CORO1C: variants seen among roughly 807,000 people sequenced by gnomAD.
The protein encoded by CORO1C is coronin-1C.
In CORO1C, 14 loss-of-function variants were observed where a neutral mutation model predicts 51.2. That is an observed-to-expected ratio of 0.27 (90% CI 0.18 to 0.43). The LOEUF is 0.43. Ranked by LOEUF, CORO1C falls within the 20% of genes least tolerant of loss-of-function variation. CORO1C has a pLI of 1.00. For missense variants in CORO1C, 417 were observed against 607.8 expected, an observed-to-expected ratio of 0.69 and a Z score of 3.30; for synonymous variants, 181 against 210.5, an observed-to-expected ratio of 0.86 and a Z score of 1.21.
chr12:108,728,733 G>A (rs1592960639), intron 1 of CORO1C, among the ~76,000 whole-genome samples: 1 of 152,182 alleles, frequency 6.6e-6, no homozygotes, highest in Non-Finnish European at 1.5e-5. Context: ...AACCCAGAGA[G>A]ATTCTATTAC....
At chr12:108,677,618 C>A (rs2033953870) in intron 3 of CORO1C, among the ~76,000 whole-genome samples, 1 of 152,178 alleles carries the variant, frequency 6.6e-6, no homozygotes, top group Admixed American at 6.5e-5. Context: ...TTTTTTCTCT[C>A]CTTTTGGGGC....
At chr12:108,727,706 C>G (rs1383136456) in intron 1 of CORO1C, among the ~76,000 whole-genome samples, 1 of 152,130 alleles carries the variant, frequency 6.6e-6, no homozygotes, top group Non-Finnish European at 1.5e-5. Context: ...GGTTTAAGGT[C>G]TAATTTCTAA....
chr12:108,678,759 A>C (rs973763847), intron 2 of CORO1C, among the ~76,000 whole-genome samples: 1 of 151,622 alleles, frequency 6.6e-6, no homozygotes, highest in Non-Finnish European at 1.5e-5. Flanking sequence ...GGTATTATTC[A>C]AAATGTTAAT....
At chr12:108,719,001 C>T (rs1173484976) in intron 1 of CORO1C, among the ~76,000 whole-genome samples, 1 of 152,158 alleles carries the variant, frequency 6.6e-6, no homozygotes, top group Non-Finnish European at 1.5e-5. Flanking sequence ...CAGAAGGAAA[C>T]ATTTGGGCTA....
intron 1 of CORO1C, among the ~76,000 whole-genome samples, chr12:108,715,738 A>G (rs1403116855): frequency 1.3e-5 from 2 of 150,916 alleles, no homozygotes; most frequent in East Asian, 3.9e-4. Context: ...GTCTCTCTTC[A>G]AAGAGCAGAA....
At chr12:108,690,339 G>GTAAGC (rs1448630279) in intron 2 of CORO1C, among the ~76,000 whole-genome samples, 28 of 152,206 alleles carry the variant, frequency 1.8e-4, no homozygotes, top group African/African-American at 6.8e-4. Context: ...GTAAGGTAAG[G>GTAAGC]TAAGCTAGAA....
intron 1 of CORO1C, among the ~76,000 whole-genome samples, chr12:108,723,471 A>G (rs990998568): frequency 3.3e-5 from 5 of 152,262 alleles, no homozygotes; most frequent in African/African-American, 7.2e-5. Context: ...TCAAAAGTAG[A>G]AAATACAGCC....
chr12:108,711,725 G>A (rs11114036), intron 1 of CORO1C, among the ~76,000 whole-genome samples: 3,859 of 151,024 alleles, frequency 0.026, 72 homozygotes, highest in Non-Finnish European at 0.037. Context: ...TAGGAAACAT[G>A]TAGGGTGTTA....
intron 1 of CORO1C, among the ~76,000 whole-genome samples, chr12:108,723,088 C>T (rs901263950): frequency 4.6e-5 from 7 of 152,208 alleles, no homozygotes; most frequent in African/African-American, 1.4e-4. Context: ...CAGCCTCTCT[C>T]TTGCTTGCCA....
intron 2 of CORO1C, among the ~76,000 whole-genome samples, chr12:108,683,710 C>G (rs1229230280): frequency 6.6e-6 from 1 of 151,884 alleles, no homozygotes; most frequent in African/African-American, 2.4e-5. Flanking sequence ...GATCCATAAC[C>G]ATAAAAGATC....
intron 7 of CORO1C, 64 bp from the exon 8 acceptor site, chr12:108,652,481 G>T: frequency 7.3e-7 from 1 of 1,378,456 alleles, no homozygotes; most frequent in Non-Finnish European, 1.0e-6. Flanking sequence ...TTATGGGGGT[G>T]TCTCTCTCCT....
At chr12:108,702,299 C>G (rs926262335) in intron 1 of CORO1C, among the ~76,000 whole-genome samples, 39 of 152,232 alleles carry the variant, frequency 2.6e-4, no homozygotes, top group African/African-American at 8.9e-4. Context: ...CAAAACCAGG[C>G]TGGGTTTTCA....
chr12:108,706,186 CA>C (rs368147183), intron 1 of CORO1C, among the ~76,000 whole-genome samples: 6 of 118,576 alleles, frequency 5.1e-5, no homozygotes, highest in Non-Finnish European at 8.7e-5. Context: ...GACTCTGAAT[CA>C]AAAAAAAACA....
chr12:108,720,645 T>TC (rs540951974), intron 1 of CORO1C, among the ~76,000 whole-genome samples: 6 of 152,200 alleles, frequency 3.9e-5, no homozygotes, highest in Non-Finnish European at 7.4e-5. Flanking sequence ...GCCCTCAGCC[T>TC]CCTGAGTAGC....
intron 3 of CORO1C, among the ~76,000 whole-genome samples, chr12:108,671,756 TTTTA>T (rs1314521894): frequency 6.6e-6 from 1 of 152,058 alleles, no homozygotes; most frequent in Admixed American, 6.6e-5. Flanking sequence ...GAGTCAATAA[TTTTA>T]TTTATTTATT....
At chr12:108,647,962 T>G (rs922527479) in intron 10 of CORO1C, among the ~76,000 whole-genome samples, 1 of 152,194 alleles carries the variant, frequency 6.6e-6, no homozygotes, top group South Asian at 2.1e-4. Flanking sequence ...TGAGGCTCCT[T>G]CTTGGGAGGG....
At chr12:108,690,214 C>T (rs1239317353) in intron 2 of CORO1C, among the ~76,000 whole-genome samples, 2 of 152,220 alleles carry the variant, frequency 1.3e-5, no homozygotes, top group East Asian at 1.9e-4. Flanking sequence ...AGAGTGACAG[C>T]TCATGGCCCA....
chr12:108,708,791 C>CT (rs2035101025), intron 1 of CORO1C, among the ~76,000 whole-genome samples: 1 of 151,868 alleles, frequency 6.6e-6, no homozygotes, highest in African/African-American at 2.4e-5. Context: ...GACAGAGTCT[C>CT]ACTCTGCACT....
At chr12:108,704,652 G>A (rs921742272) in intron 1 of CORO1C, among the ~76,000 whole-genome samples, 1 of 152,208 alleles carries the variant, frequency 6.6e-6, no homozygotes, top group African/African-American at 2.4e-5. Context: ...ATCTCTAAGC[G>A]GAGCTTGAAG....
Sources: gnomAD v4.1 joint callset for allele counts (sites outside exome capture counted in the v4.1 genomes callset) on GRCh38, gnomAD v4.1.1 for gene constraint, MANE v1.5 for transcripts, NCBI Gene and HGNC (gene_info 2026-07-23, HGNC 2026-07-21) for gene names.